The following POLD1 variants were observed in gnomAD, a reference collection of about 807,000 sequenced individuals.
POLD1 encodes DNA polymerase delta 1, catalytic subunit.
A neutral mutation model predicts 129.7 loss-of-function variants in POLD1; 79 were observed. That is an observed-to-expected ratio of 0.61 (90% CI 0.51 to 0.73). POLD1 has a LOEUF of 0.73. Ranked by LOEUF, POLD1 falls within the 30% of genes least tolerant of loss-of-function variation. The pLI is 0.00. For synonymous variants in POLD1, 714 were observed against 683.3 expected, an observed-to-expected ratio of 1.04 and a Z score of -0.70; for missense variants, 1,338 against 1,595.8, an observed-to-expected ratio of 0.84 and a Z score of 2.75.
intron 3 of POLD1, among the ~76,000 whole-genome samples, chr19:50,400,242 T>C (rs1165286985): frequency 1.6e-5 from 2 of 125,982 alleles, no homozygotes; most frequent in Non-Finnish European, 3.3e-5. Flanking sequence ...TTTTTTAAGA[T>C]GGAGTCTTGC....
At chr19:50,394,418 G>A (rs1025039834) in intron 1 of POLD1, among the ~76,000 whole-genome samples, 3 of 152,244 alleles carry the variant, frequency 2.0e-5, no homozygotes, top group South Asian at 2.1e-4. Context: ...TTGGGAGGCC[G>A]AGGCGGGCGG....
At chr19:50,416,274 C>T (rs1409772301) in intron 22 of POLD1, 122 bp from the exon 23 acceptor site, 1 of 1,003,744 alleles carries the variant, frequency 1.0e-6, no homozygotes. Context: ...CAGACCCAGG[C>T]CCCCCCCATG....
At position 50,406,270 on chromosome 19, in the gene POLD1, G is replaced by A. The variant is rs201503929; in HGVS notation, c.1331G>A (p.Arg444Gln). ...SSFQSKQTGRRDTKVVSMVGR... is the reference protein window; with the variant it reads ...SSFQSKQTGRQDTKVVSMVGR... ...TTCCAGTCCAAGCAGACGGGCCGGCGGGACACCAAGGTTGTCAGCATGGTG... is the reference window on the plus strand; with the variant it reads ...TTCCAGTCCAAGCAGACGGGCCGGCAGGACACCAAGGTTGTCAGCATGGTG... Residue 444 changes from arginine to glutamine, a missense_variant, in exon 11 of 27, where the codon CGG (arginine) becomes CAG (glutamine). This residue lies in a region of POLD1 where 720 missense variants were observed against 1,002.6 expected (regional missense o/e 0.72). Coordinates refer to ENST00000440232, the MANE Select transcript of POLD1 (RefSeq NM_002691.4). The surrounding 1 kb of genome is among the most constrained non-coding windows in gnomAD (Gnocchi z 5.5). 5.0e-6 allele frequency: 8 copies of A among 1,613,976 alleles called. No individual in the cohort carries two copies. The highest frequency in any genetic ancestry group is 5.1e-6 in the Non-Finnish European group (6 of 1,179,994).
At chr19:50,412,631 G>A (rs970043493) in intron 17 of POLD1, among the ~76,000 whole-genome samples, 7 of 152,172 alleles carry the variant, frequency 4.6e-5, no homozygotes, top group Non-Finnish European at 7.3e-5. Flanking sequence ...TAGTTAGACA[G>A]ATTTCCTGAC....
In POLD1 at chr19:50,389,832, C is replaced by T. The variant is rs535911707; in HGVS notation, c.-2+5442C>T. On this transcript the variant is annotated intron_variant, in intron 1 of 26. Transcript: ENST00000440232. ...AACCCCTGACCTCAGGTGATCCGCC[C>T]GCCTTGGGCTCCCAAAGTGCTAGGA... 5.3e-5 allele frequency among the ~76,000 whole-genome samples: 8 copies of T among 151,806 alleles called. No individual in the cohort carries two copies. The East Asian group carries it at 1.2e-3, about 22-fold the overall frequency.
At chr19:50,399,874 G>T (rs2038518480) in intron 3 of POLD1, among the ~76,000 whole-genome samples, 1 of 152,058 alleles carries the variant, frequency 6.6e-6, no homozygotes, top group African/African-American at 2.4e-5. Flanking sequence ...GAGTGCAGTG[G>T]TGTGATCTCG....
At chr19:50,403,983 A>T (rs2038769136) in intron 10 of POLD1, among the ~76,000 whole-genome samples, 1 of 152,090 alleles carries the variant, frequency 6.6e-6, no homozygotes, top group South Asian at 2.1e-4. Flanking sequence ...CAAATTCCGG[A>T]TGCTTCTTGA....
Position 50,409,345 on chromosome 19 carries a change from G to A in POLD1, c.2006+110G>A. 2 of 1,222,966 alleles carry A rather than the reference G, an allele frequency of 1.6e-6. No homozygotes were observed. Among genetic ancestry groups the A allele is most frequent in the Non-Finnish European group, 2.4e-6 (2 of 847,022 alleles). The allele number at this position is 1,222,966 out of a possible 1,614,324, so 75.8% of individuals were successfully genotyped here. On this transcript the variant is annotated intron_variant, in intron 16 of 26. Transcript: ENST00000440232. The surrounding 1 kb of genome is among the most constrained non-coding windows in gnomAD (Gnocchi z 5.8). ...CTGCCCAGCCACCCTGCCCTCAGCTGTGCGTGAATTAGCACAAGGCATCCC... is the reference window on the plus strand; with the variant it reads ...CTGCCCAGCCACCCTGCCCTCAGCTATGCGTGAATTAGCACAAGGCATCCC...
At chr19:50,399,225 C>A in intron 2 of POLD1, 146 bp from the exon 3 acceptor site, 1 of 1,159,162 alleles carries the variant, frequency 8.6e-7, no homozygotes, top group Non-Finnish European at 1.3e-6. Context: ...GTGATTCTGG[C>A]CCTGACCCTT....
At chr19:50,398,586 A>AG (rs1167199580) in intron 1 of POLD1, among the ~76,000 whole-genome samples, 1 of 151,282 alleles carries the variant, frequency 6.6e-6, no homozygotes, top group Non-Finnish European at 1.5e-5. Flanking sequence ...AAAAAAAAAA[A>AG]AAAAAAGCAA....
chr19:50,391,080 TGG>T (rs1568606874), intron 1 of POLD1, among the ~76,000 whole-genome samples: 1 of 150,528 alleles, frequency 6.6e-6, no homozygotes, highest in African/African-American at 2.5e-5. Flanking sequence ...AATGAGCTGC[TGG>T]GTACACCTCC....
In POLD1 at chr19:50,414,972, G is replaced by T; in HGVS notation, c.2546G>T (p.Arg849Leu). 1 of 1,590,212 alleles carries T rather than the reference G, an allele frequency of 6.3e-7. No individual in the cohort carries two copies. Among genetic ancestry groups the T allele is most frequent in the Non-Finnish European group, 8.6e-7 (1 of 1,167,334 alleles). ...GCCAACCTGGTCACTGCCTCACTGC[G>T]CCGCCTGCTCATCGACCGGTGTGTG... ...LVANLVTASL[R>L]RLLIDRDPEG... The change falls in exon 20 of 27, where the codon CGC (arginine) becomes CTC (leucine). Residue 849 changes from arginine (R) to leucine (L), a missense_variant. Around this residue, in one of 3 missense-constraint regions of POLD1, gnomAD observed 720 missense variants for 1,002.6 expected, o/e 0.72. Coordinates refer to ENST00000440232, the MANE Select transcript of POLD1 (RefSeq NM_002691.4).
At chr19:50,401,537 G>A (rs1012955662) in intron 3 of POLD1, among the ~76,000 whole-genome samples, 6 of 151,184 alleles carry the variant, frequency 4.0e-5, no homozygotes, top group Non-Finnish European at 7.4e-5. Flanking sequence ...CACTGTGCAC[G>A]GCCAGTTGTT....
intron 1 of POLD1, among the ~76,000 whole-genome samples, chr19:50,395,543 C>T (rs1385409351): frequency 1.3e-5 from 2 of 151,302 alleles, no homozygotes; most frequent in African/African-American, 4.9e-5. Flanking sequence ...GAGATCGCGC[C>T]ACCGCACTCC....
intron 22 of POLD1, chr19:50,416,156 A>C: frequency 1.7e-6 from 1 of 583,510 alleles, no homozygotes; most frequent in East Asian, 2.8e-5. Context: ...TGACCTCCTG[A>C]CCCCTTCCTC....
intron 17 of POLD1, chr19:50,410,989 A>C (rs1306360578): frequency 1.6e-5 from 2 of 121,956 alleles, no homozygotes; most frequent in Non-Finnish European, 3.3e-5. Context: ...ACAGAGTCTC[A>C]CTCTCTCACC....
chr19:50,403,847 C>T (rs1308597129), intron 10 of POLD1, among the ~76,000 whole-genome samples: 1 of 152,196 alleles, frequency 6.6e-6, no homozygotes, highest in Non-Finnish European at 1.5e-5. Flanking sequence ...CAAGGTCGGC[C>T]TGAAGCTTGC....
Position 50,407,138 on chromosome 19 carries a change from C to T in POLD1, c.1650C>T (p.Gly550=). The change falls in exon 13 of 27, where the codon GGC becomes GGT. Residue 550 remains glycine (G), a synonymous_variant. Coordinates refer to ENST00000440232, the MANE Select transcript of POLD1 (RefSeq NM_002691.4). ...CCCTCAGCTACCTGCTCAGTCGTGG[C>T]CAGCAGGTCAAGGTCGTATCCCAGC... is the stretch of plus-strand genomic sequence containing the variant. ...GVPLSYLLSR[G]QQVKVVSQLL... The T allele has an allele frequency of 6.2e-7, 1 of 1,612,696 alleles. No individual in the cohort carries two copies. Among genetic ancestry groups the T allele is most frequent in the Non-Finnish European group, 8.5e-7 (1 of 1,179,410 alleles).
rs2122198125 is a variant in POLD1, at chr19:50,399,054, G to A, written c.202+1G>A. On this transcript the variant is annotated splice_donor_variant, in intron 2 of 26. Transcript: ENST00000440232. LOFTEE classifies it high-confidence loss of function. ...TCAGTCCTGGAGGGGGTTGCAGACG[G>A]TAAGGCTTGGAGTTGGAGGTTCCTG... The A allele has an allele frequency of 6.4e-7, 1 of 1,551,946 alleles. No homozygotes were observed. Among genetic ancestry groups the A allele is most frequent in the South Asian group, 1.2e-5 (1 of 84,062 alleles).
Sources: gnomAD v4.1 joint callset for allele counts (sites outside exome capture counted in the v4.1 genomes callset) on GRCh38, gnomAD v4.1.1 for gene constraint, gnomAD v4.1.1 regional missense constraint, Gnocchi (gnomAD v3.1) non-coding constraint, MANE v1.5 for transcripts, NCBI Gene and HGNC (gene_info 2026-07-23, HGNC 2026-07-21) for gene names.